The following SMAP1 variants were observed in gnomAD, a reference collection of about 807,000 sequenced individuals.
SMAP1 encodes the protein stromal membrane-associated protein 1.
A neutral mutation model predicts 58.5 loss-of-function variants in SMAP1; 24 were observed. That is an observed-to-expected ratio of 0.41 (90% CI 0.30 to 0.58). The LOEUF is 0.58. Among genes scored for constraint, SMAP1 ranks in the 20% least tolerant of loss-of-function variants. The pLI is 0.29. For synonymous variants in SMAP1, 216 were observed against 196.6 expected, an observed-to-expected ratio of 1.10 and a Z score of -0.82; for missense variants, 563 against 566.3, an observed-to-expected ratio of 0.99 and a Z score of 0.06.
chr6:70,703,079 T>C (rs1437163359), intron 1 of SMAP1, among the ~76,000 whole-genome samples: 1 of 151,974 alleles, frequency 6.6e-6, no homozygotes, highest in Non-Finnish European at 1.5e-5. Flanking sequence ...TTTCCTTTTT[T>C]CACGACTTTT....
At chr6:70,766,453 T>C (rs1218140617) in intron 3 of SMAP1, among the ~76,000 whole-genome samples, 1 of 152,220 alleles carries the variant, frequency 6.6e-6, no homozygotes, top group Non-Finnish European at 1.5e-5. Context: ...TGGTGTGAGA[T>C]GGTATCTCAT....
At chr6:70,694,183 G>T (rs2149821394) in intron 1 of SMAP1, 1 of 328,190 alleles carries the variant, frequency 3.0e-6, no homozygotes, top group South Asian at 2.9e-5. Context: ...AGAAATCGAG[G>T]CTATAACTTG....
intron 4 of SMAP1, among the ~76,000 whole-genome samples, chr6:70,779,031 G>A (rs966488570): frequency 3.3e-5 from 5 of 152,246 alleles, no homozygotes; most frequent in African/African-American, 1.2e-4. Flanking sequence ...GGCAATGTAT[G>A]TGGATACACA....
intron 1 of SMAP1, among the ~76,000 whole-genome samples, chr6:70,675,850 C>G (rs1766462009): frequency 6.6e-6 from 1 of 152,122 alleles, no homozygotes; most frequent in Admixed American, 6.5e-5. Flanking sequence ...ATGGTCCCAC[C>G]ACCCTAAGTG....
chr6:70,826,160 G>A (rs999804722), intron 6 of SMAP1, among the ~76,000 whole-genome samples: 1 of 152,150 alleles, frequency 6.6e-6, no homozygotes, highest in Non-Finnish European at 1.5e-5. Context: ...ATCCTGCAAA[G>A]TATTATTTTA....
chr6:70,748,322 T>C (rs1766132616), intron 2 of SMAP1, among the ~76,000 whole-genome samples: 1 of 152,156 alleles, frequency 6.6e-6, no homozygotes, highest in Admixed American at 6.6e-5. Context: ...AAAATCCTAG[T>C]CTTTGTGTTT....
chr6:70,727,777 C>G (rs1181931810), intron 1 of SMAP1, among the ~76,000 whole-genome samples: 4 of 152,140 alleles, frequency 2.6e-5, no homozygotes, highest in Non-Finnish European at 5.9e-5. Flanking sequence ...GTAATTCACA[C>G]TGACCGTGTG....
intron 1 of SMAP1, among the ~76,000 whole-genome samples, chr6:70,684,759 G>T (rs1461037584): frequency 1.3e-5 from 2 of 152,154 alleles, no homozygotes; most frequent in Non-Finnish European, 2.9e-5. Context: ...AAAAAAAGTA[G>T]TTATATGGTA....
intron 1 of SMAP1, among the ~76,000 whole-genome samples, chr6:70,727,196 C>T (rs935957603): frequency 1.3e-5 from 2 of 152,116 alleles, no homozygotes; most frequent in African/African-American, 4.8e-5. Context: ...CAACCTCTGC[C>T]TTCCAGGGTT....
intron 9 of SMAP1, 46 bp downstream of exon 9, chr6:70,857,076 A>G (rs763929124): frequency 6.7e-7 from 1 of 1,500,284 alleles, no homozygotes; most frequent in Non-Finnish European, 9.0e-7. Flanking sequence ...CTAGAAGTAC[A>G]TCCTTTGTAA....
At chr6:70,792,370 C>G (rs1252023740) in intron 5 of SMAP1, among the ~76,000 whole-genome samples, 4 of 144,984 alleles carry the variant, frequency 2.8e-5, no homozygotes, top group African/African-American at 1.0e-4. Flanking sequence ...AAATTAGTTT[C>G]AGGCATCCTT....
At chr6:70,710,714 T>G (rs2149837440) in intron 1 of SMAP1, among the ~76,000 whole-genome samples, 1 of 152,264 alleles carries the variant, frequency 6.6e-6, no homozygotes, top group South Asian at 2.1e-4. Context: ...CTTAGCTTAC[T>G]GTAACTTTTT....
chr6:70,789,705 A>G (rs1768258123), intron 4 of SMAP1, among the ~76,000 whole-genome samples: 1 of 142,824 alleles, frequency 7.0e-6, no homozygotes, highest in African/African-American at 2.6e-5. Flanking sequence ...AGCCTGGGTA[A>G]CATAGAAAGA....
intron 6 of SMAP1, among the ~76,000 whole-genome samples, chr6:70,815,307 A>G (rs1405139032): frequency 2.0e-5 from 3 of 152,192 alleles, no homozygotes; most frequent in Non-Finnish European, 2.9e-5. Flanking sequence ...ATAAAATACA[A>G]TACATAAAAT....
intron 4 of SMAP1, among the ~76,000 whole-genome samples, chr6:70,784,070 C>T (rs1357067371): frequency 6.6e-6 from 1 of 152,116 alleles, no homozygotes; most frequent in East Asian, 1.9e-4. Context: ...GGGTTACCCA[C>T]AAAGGGAAGC....
At chr6:70,713,440 T>C (rs1413155283) in intron 1 of SMAP1, among the ~76,000 whole-genome samples, 1 of 152,116 alleles carries the variant, frequency 6.6e-6, no homozygotes, top group Non-Finnish European at 1.5e-5. Flanking sequence ...ATCACGTAAG[T>C]TTTGGTTTGT....
chr6:70,692,002 G>T (rs1402319045), intron 1 of SMAP1, among the ~76,000 whole-genome samples: 1 of 152,136 alleles, frequency 6.6e-6, no homozygotes, highest in Admixed American at 6.5e-5. Flanking sequence ...GGATCGTATG[G>T]TAGGTCTATT....
At chr6:70,712,566 C>T (rs1319133187) in intron 1 of SMAP1, among the ~76,000 whole-genome samples, 1 of 152,022 alleles carries the variant, frequency 6.6e-6, no homozygotes, top group Non-Finnish European at 1.5e-5. Context: ...CCATCTGGTC[C>T]TGGATTTTTC....
chr6:70,756,120 AAGC>A (rs1465246765), intron 3 of SMAP1, among the ~76,000 whole-genome samples: 1 of 152,236 alleles, frequency 6.6e-6, no homozygotes. Context: ...TAGTTTAAAA[AAGC>A]AGCTCATCAA....
Sources: allele counts gnomAD v4.1 joint callset (sites outside exome capture counted in the v4.1 genomes callset), GRCh38; gene constraint gnomAD v4.1.1; transcripts MANE v1.5; gene names NCBI Gene and HGNC (gene_info 2026-07-23, HGNC 2026-07-21).